Variants in ECT2L observed in about 807,000 individuals in gnomAD.
The protein encoded by ECT2L is epithelial cell-transforming sequence 2 oncogene-like.
In ECT2L, 126 loss-of-function variants were observed where a neutral mutation model predicts 122.8. That is an observed-to-expected ratio of 1.03 (90% confidence interval 0.89 to 1.19). ECT2L has a LOEUF of 1.19. ECT2L is among the 50% of genes most tolerant of loss of function. The pLI, the probability that ECT2L is intolerant of heterozygous loss-of-function variation, is 0.00. For synonymous variants in ECT2L, 385 were observed against 381.8 expected (o/e 1.01, Z -0.10); for missense variants, 1,012 against 1,064.1 (o/e 0.95, Z 0.68).
chr6:138,889,284 A>G (rs1251285353), intron 20 of ECT2L, among the ~76,000 whole-genome samples: 2 of 152,000 alleles, frequency 1.3e-5, no homozygotes, highest in Non-Finnish European at 1.5e-5. Context: ...CACAAACTCC[A>G]CATAAGCAGG....
intron 13 of ECT2L, among the ~76,000 whole-genome samples, chr6:138,875,647 G>T (rs1165600872): frequency 3.3e-5 from 5 of 152,240 alleles, no homozygotes; most frequent in Non-Finnish European, 1.5e-5. Flanking sequence ...GTAAAGTGAA[G>T]AAAGAATAAG....
Position 138,843,155 on chromosome 6 carries a change from A to C in ECT2L, c.519A>C (p.Glu173Asp). 6.2e-7 allele frequency: 1 copy of C among 1,614,066 alleles called. No homozygotes were observed. The highest frequency in any genetic ancestry group is 1.6e-4 in the Middle Eastern group (1 of 6,062). The change falls in exon 6 of 22, where the codon GAA becomes GAC. Residue 173 changes from glutamate to aspartate, a missense_variant. Transcript: ENST00000541398. ...TYGTLNEPKT[E>D]DEELLERQRE... Reference sequence around the variant, plus strand: ...GGACGCTGAATGAACCCAAAACAGAAGATGAGGAACTACTGGAGAGACAAA... The same window carrying C: ...GGACGCTGAATGAACCCAAAACAGACGATGAGGAACTACTGGAGAGACAAA...
rs774930429 is a variant in ECT2L, at chr6:138,885,526, A to G, written c.2049A>G (p.Ala683=). The G allele has an allele frequency of 9.9e-6, 16 of 1,614,202 alleles. No homozygotes were observed. Among genetic ancestry groups the G allele is most frequent in the Non-Finnish European group, 1.3e-5 (15 of 1,180,026 alleles). The part of the protein sequence containing the change: ...TIEKCREMIP[A]FRTFLKRHDK... ...TTTAGTGCAGAGAAATGATACCAGC[A>G]TTCCGAACTTTCCTGAAGAGGCATG... The change falls in exon 17 of 22, where the codon GCA becomes GCG. Residue 683 remains alanine, a synonymous_variant. Coordinates refer to ENST00000541398, the MANE Select transcript of ECT2L (RefSeq NM_001077706.3).
chr6:138,893,704 G>A (rs371726752), intron 20 of ECT2L, among the ~76,000 whole-genome samples: 1 of 152,150 alleles, frequency 6.6e-6, no homozygotes, highest in African/African-American at 2.4e-5. Flanking sequence ...TTACAGGCGT[G>A]AGCCACCGCA....
At chr6:138,860,096 A>T (rs1414780817) in intron 10 of ECT2L, among the ~76,000 whole-genome samples, 1 of 152,140 alleles carries the variant, frequency 6.6e-6, no homozygotes, top group East Asian at 1.9e-4. Flanking sequence ...AAGTGCTGGG[A>T]TTACAGGCAT....
chr6:138,849,531 G>T, intron 9 of ECT2L, 97 bp downstream of exon 9: 1 of 1,259,446 alleles, frequency 7.9e-7, no homozygotes. Context: ...GTTCCAAGTT[G>T]CTAAGACGTG....
At chr6:138,810,479 TTAGAG>T in intron 1 of ECT2L, among the ~76,000 whole-genome samples, 1 of 152,198 alleles carries the variant, frequency 6.6e-6, no homozygotes, top group African/African-American at 2.4e-5. Flanking sequence ...GCAGTTAACT[TTAGAG>T]AGAGAGAAAA....
At chr6:138,883,402 A>G (rs1456614259) in intron 16 of ECT2L, among the ~76,000 whole-genome samples, 2 of 152,216 alleles carry the variant, frequency 1.3e-5, no homozygotes, top group Non-Finnish European at 2.9e-5. Context: ...TCCCTCATGT[A>G]CCACTTGCTG....
At position 138,902,784 on chromosome 6, in the gene ECT2L, T is replaced by A. The variant is rs1562501654; in HGVS notation, c.*157T>A. ...TAGGATCTTTCCAACTTTTAAACTT[T>A]ATCACTTGTGCTCACTTATGTAGAA... On this transcript the variant is annotated 3_prime_UTR_variant, in exon 22 of 22. Coordinates refer to ENST00000541398, the MANE Select transcript of ECT2L (RefSeq NM_001077706.3). The A allele has an allele frequency of 9.0e-6, 8 of 890,178 alleles. No homozygotes were observed. The highest frequency in any genetic ancestry group is 1.0e-5 in the Non-Finnish European group (6 of 591,262). 55.1% of individuals were successfully genotyped at this position (890,178 alleles called of 1,614,324 possible). A position where few individuals can be genotyped will look rare whatever the true frequency, so the allele number is the denominator to read the frequency against.
At chr6:138,815,073 TTC>T (rs1318428948) in intron 4 of ECT2L, among the ~76,000 whole-genome samples, 1 of 152,306 alleles carries the variant, frequency 6.6e-6, no homozygotes, top group East Asian at 1.9e-4. Context: ...AGGGTTCTCT[TTC>T]TCTTTCTTCC....
At chr6:138,887,724 CTAA>C (rs1026604008) in intron 19 of ECT2L, among the ~76,000 whole-genome samples, 8 of 152,224 alleles carry the variant, frequency 5.3e-5, no homozygotes, top group Non-Finnish European at 1.2e-4. Flanking sequence ...TCACGATTCT[CTAA>C]TGTTAACCTC....
At chr6:138,862,218 GA>G (rs1777858238) in intron 10 of ECT2L, among the ~76,000 whole-genome samples, 1 of 152,316 alleles carries the variant, frequency 6.6e-6, no homozygotes, top group African/African-American at 2.4e-5. Context: ...TTTATAAAGA[GA>G]AGAGGTTTAA....
chr6:138,856,900 A>G (rs1777630599), intron 10 of ECT2L, among the ~76,000 whole-genome samples: 1 of 152,176 alleles, frequency 6.6e-6, no homozygotes, highest in Admixed American at 6.5e-5. Flanking sequence ...CTCTTTAGAC[A>G]ATCTTTCAAT....
chr6:138,900,255 T>TC (rs2128415609), intron 20 of ECT2L, among the ~76,000 whole-genome samples: 1 of 150,698 alleles, frequency 6.6e-6, no homozygotes, highest in East Asian at 1.9e-4. Context: ...CTTATTATCT[T>TC]TTTTTTTTTG....
intron 20 of ECT2L, among the ~76,000 whole-genome samples, chr6:138,893,229 G>A (rs1367507058): frequency 2.0e-5 from 3 of 148,404 alleles, no homozygotes; most frequent in African/African-American, 7.5e-5. Context: ...TGAGACGTAA[G>A]GTTAGAGGTG....
intron 13 of ECT2L, among the ~76,000 whole-genome samples, chr6:138,874,784 C>T (rs1358427461): frequency 6.6e-6 from 1 of 152,138 alleles, no homozygotes; most frequent in African/African-American, 2.4e-5. Context: ...AGTCTCACTC[C>T]ATCATCCACG....
chr6:138,807,626 A>G (rs1316611954), intron 1 of ECT2L, among the ~76,000 whole-genome samples: 6 of 152,196 alleles, frequency 3.9e-5, no homozygotes, highest in Non-Finnish European at 8.8e-5. Context: ...CTACTTCCAG[A>G]TACCAATTTT....
At chr6:138,857,331 A>T (rs937023048) in intron 10 of ECT2L, among the ~76,000 whole-genome samples, 1 of 152,094 alleles carries the variant, frequency 6.6e-6, no homozygotes, top group South Asian at 2.1e-4. Flanking sequence ...GTTAAACTAC[A>T]CATTGCTGGG....
At chr6:138,860,042 C>T (rs1023481544) in intron 10 of ECT2L, among the ~76,000 whole-genome samples, 2 of 152,098 alleles carry the variant, frequency 1.3e-5, no homozygotes, top group Non-Finnish European at 2.9e-5. Flanking sequence ...CCAGGCTGGT[C>T]TTGAACTCCT....
Sources: gnomAD v4.1 joint callset for allele counts (sites outside exome capture counted in the v4.1 genomes callset) on GRCh38, gnomAD v4.1.1 for gene constraint, MANE v1.5 for transcripts, NCBI Gene and HGNC (gene_info 2026-07-23, HGNC 2026-07-21) for gene names.